AOX1: variants seen among roughly 807,000 people sequenced by gnomAD.
The protein encoded by AOX1 is aldehyde oxidase 1.
AOX1 carries 153 observed loss-of-function variants against 169.5 expected under a neutral mutation model. The observed-to-expected ratio is 0.90, with a 90% CI of 0.79 to 1.03. The LOEUF is 1.03. Ranked by LOEUF, AOX1 falls within the 50% of genes least tolerant of loss-of-function variation. The pLI is 0.00. For missense variants in AOX1, 1,656 were observed against 1,663.9 expected (o/e 1.00, Z 0.08); for synonymous variants, 562 against 581.9 (o/e 0.97, Z 0.49).
chr2:200,675,812 T>C (rs1472215384), downstream of AOX1, among the ~76,000 whole-genome samples: 1 of 151,934 alleles, frequency 6.6e-6, no homozygotes, highest in East Asian at 1.9e-4. Flanking sequence ...GAGATACTGT[T>C]ATTTTGACTA....
intron 12 of AOX1, among the ~76,000 whole-genome samples, chr2:200,610,842 A>G (rs1307042537): frequency 6.6e-6 from 1 of 152,092 alleles, no homozygotes; most frequent in Non-Finnish European, 1.5e-5. Context: ...CTATTTTTTA[A>G]ATCTATTTTT....
chr2:200,596,249 G>A (rs755602236), intron 3 of AOX1, among the ~76,000 whole-genome samples: 2 of 152,146 alleles, frequency 1.3e-5, no homozygotes, highest in Non-Finnish European at 2.9e-5. Context: ...CCTGCTTTAC[G>A]GCCTGGCTGT....
chr2:200,657,186 A>ATTTT (rs1323706482), intron 27 of AOX1, among the ~76,000 whole-genome samples: 100 of 65,738 alleles, frequency 1.5e-3, no homozygotes, highest in East Asian at 0.014. Flanking sequence ...ATATATATAT[A>ATTTT]TATATTTTTT....
rs748385302 is a variant in AOX1 at position 200,634,898 on chromosome 2, T to C, written c.2329T>C (p.Phe777Leu). 1 of 1,614,040 alleles carries C rather than the reference T, an allele frequency of 6.2e-7. No individual in the cohort carries two copies. Among genetic ancestry groups the C allele is most frequent in the Non-Finnish European group, 8.5e-7 (1 of 1,179,922 alleles). ...AATGGATGTCTACGTGTCCACACAG[T>C]TTCCCAAATATATACAGGTAACATG... ...QEMDVYVSTQ[F>L]PKYIQDIVAS... Residue 777 changes from phenylalanine (F) to leucine (L), a missense_variant, in exon 21 of 35, where the codon TTT becomes CTT. Phe to Leu is a conservative substitution (Grantham distance 22). Transcript: ENST00000374700.
At chr2:200,590,336 T>C (rs978823882) in intron 1 of AOX1, among the ~76,000 whole-genome samples, 2 of 152,092 alleles carry the variant, frequency 1.3e-5, no homozygotes, top group African/African-American at 4.8e-5. Flanking sequence ...GATTCCACCC[T>C]CAGATTCAAG....
chr2:200,609,129 C>G lies in AOX1; in HGVS notation c.1053C>G (p.Asn351Lys). Residue 351 changes from asparagine to lysine, a missense_variant, in exon 11 of 35, where the codon AAC (asparagine) becomes AAG (lysine). By Grantham distance (94) the Asn-to-Lys change is moderately conservative (BLOSUM62 0). Coordinates refer to ENST00000374700, the MANE Select transcript of AOX1 (RefSeq NM_001159.4). ...CTCTGGCTGGGTCCCAGATCAGGAA[C>G]ATGGCTGTATGTATCTGATGACAGT... The part of the protein sequence containing the change: ...LGTLAGSQIR[N>K]MASLGGHIIS... 6.2e-7 allele frequency: 1 copy of G among 1,613,980 alleles called. No individual in the cohort carries two copies. The highest frequency in any genetic ancestry group is 8.5e-7 in the Non-Finnish European group (1 of 1,179,952).
chr2:200,643,673 C>T (rs999666863), intron 25 of AOX1, among the ~76,000 whole-genome samples: 25 of 152,166 alleles, frequency 1.6e-4, no homozygotes, highest in African/African-American at 5.8e-4. Flanking sequence ...ACATTCCCAC[C>T]AGCAGTGTAG....
At chr2:200,630,394 A>G (rs1392303131) in intron 20 of AOX1, among the ~76,000 whole-genome samples, 1 of 151,644 alleles carries the variant, frequency 6.6e-6, no homozygotes, top group Admixed American at 6.6e-5. Context: ...GTGGTGACAA[A>G]CACCTGTAAT....
At position 200,604,819 on chromosome 2, in the gene AOX1, A is replaced by G; in HGVS notation, c.793A>G (p.Ile265Val). The G allele has an allele frequency of 1.2e-6, 2 of 1,613,720 alleles. No individual in the cohort carries two copies. Among genetic ancestry groups the G allele is most frequent in the Non-Finnish European group, 1.7e-6 (2 of 1,179,838 alleles). Residue 265 changes from isoleucine to valine, a missense_variant, in exon 9 of 35, where the codon ATC becomes GTC. By Grantham distance (29) the Ile-to-Val change is conservative. Transcript: ENST00000374700. ...FKFKYPQAPV[I>V]MGNTSVGPEV... ...ATTCAAGTATCCCCAGGCTCCTGTT[A>G]TCATGGGAAACACCTCTGTGGGTAT...
chr2:200,677,879 A>T (rs2036120844), downstream of AOX1, among the ~76,000 whole-genome samples: 3 of 152,198 alleles, frequency 2.0e-5, no homozygotes, highest in African/African-American at 7.2e-5. Context: ...TGCATGTCGC[A>T]CACTCCACGT....
intron 5 of AOX1, among the ~76,000 whole-genome samples, chr2:200,600,004 A>G (rs1271366526): frequency 6.6e-6 from 1 of 152,198 alleles, no homozygotes; most frequent in East Asian, 1.9e-4. Context: ...AGTATTAAAT[A>G]CTATTTGAAG....
chr2:200,604,851 C>T lies in AOX1; in HGVS notation c.814+11C>T. ...GAAACACCTCTGTGGGTATGTAGAA[C>T]CCCAGGGATTTTTTATAGGGAAATT... On this transcript the variant is annotated intron_variant, in intron 9 of 34. Transcript: ENST00000374700. The T allele has an allele frequency of 3.7e-6, 6 of 1,612,506 alleles. No individual in the cohort carries two copies. The highest frequency in any genetic ancestry group is 2.2e-5 in the East Asian group (1 of 44,862).
Position 200,634,721 on chromosome 2 carries a change from A to G in AOX1, c.2222-70A>G, listed in dbSNP as rs180878019. ...ATTAGTGGAATTTCTGCATAACGGG[A>G]TAATACCTGGGGGACGCTACCTGTT... On this transcript the variant is annotated intron_variant, in intron 20 of 34. Coordinates refer to ENST00000374700, the MANE Select transcript of AOX1 (RefSeq NM_001159.4). 2.8e-4 allele frequency: 439 copies of G among 1,587,780 alleles called. 2 individuals are homozygous for G. The highest frequency in any genetic ancestry group is 4.5e-4 in the Admixed American group (26 of 57,964).
intron 1 of AOX1, among the ~76,000 whole-genome samples, chr2:200,591,538 A>G (rs1312389460): frequency 6.6e-6 from 1 of 152,204 alleles, no homozygotes; most frequent in East Asian, 1.9e-4. Flanking sequence ...CCTGAGTTCG[A>G]ATTTCTTCTT....
intron 16 of AOX1, among the ~76,000 whole-genome samples, 163 bp downstream of exon 16, chr2:200,616,226 G>C (rs924717545): frequency 3.3e-5 from 5 of 152,188 alleles, no homozygotes; most frequent in African/African-American, 1.2e-4. Flanking sequence ...CAAAATCAAT[G>C]AAGAATTTGA....
At chr2:200,668,916 A>T (rs2035975053) in intron 33 of AOX1, 113 bp downstream of exon 33, 1 of 859,372 alleles carries the variant, frequency 1.2e-6, no homozygotes, top group South Asian at 1.8e-5. Flanking sequence ...TGCAGAAGAA[A>T]AATTCTTATT....
At chr2:200,672,981 G>A (rs147822322), downstream of AOX1, among the ~76,000 whole-genome samples, 1 of 152,330 alleles carries the variant, frequency 6.6e-6, no homozygotes, top group Admixed American at 6.5e-5. Context: ...CCTGGAGGCC[G>A]CTATAAGGAC....
chr2:200,613,916 A>G lies in AOX1; in HGVS notation c.1561A>G (p.Ser521Gly), dbSNP rs2034697122. ...GGAGTTCAAGAGGACTCTCATCATC[A>G]GCTTCCTCTTCAAGTTCTACCTGGA... ...KVEFKRTLII[S>G]FLFKFYLEVS... Residue 521 changes from serine (S) to glycine (G), a missense_variant, in exon 15 of 35, where the codon AGC becomes GGC. Ser to Gly is a moderately conservative substitution (Grantham distance 56). Transcript: ENST00000374700. 1.2e-6 allele frequency: 2 copies of G among 1,612,602 alleles called. No homozygotes were observed. Among genetic ancestry groups the G allele is most frequent in the African/African-American group, 1.3e-5 (1 of 74,996 alleles).
At chr2:200,599,587 A>G (rs746158164) in intron 4 of AOX1, 33 bp from the exon 5 acceptor site, 2 of 1,574,432 alleles carry the variant, frequency 1.3e-6, no homozygotes, top group Non-Finnish European at 1.7e-6. Flanking sequence ...TGGGGCCCCA[A>G]ATTCTGCATT....
Sources: allele counts gnomAD v4.1 joint callset (sites outside exome capture counted in the v4.1 genomes callset), GRCh38; gene constraint gnomAD v4.1.1; transcripts MANE v1.5; gene names NCBI Gene and HGNC (gene_info 2026-07-23, HGNC 2026-07-21).